Variants in MLIP observed in about 807,000 individuals in gnomAD.
MLIP encodes muscular LMNA interacting protein.
MLIP carries 79 observed loss-of-function variants against 84.8 expected under a neutral mutation model. The ratio of observed to expected loss-of-function variants is 0.93; its 90% CI spans 0.78 to 1.12. The LOEUF is 1.12. Ranked by LOEUF, MLIP falls within the 50% of genes most tolerant of loss-of-function variation. MLIP has a pLI of 0.00. For missense variants in MLIP, 1,257 were observed against 1,160.6 expected (o/e 1.08, Z -1.21); for synonymous variants, 504 against 463.0 (o/e 1.09, Z -1.14).
intron 1 of MLIP, among the ~76,000 whole-genome samples, chr6:54,114,012 G>T (rs1769695307): frequency 6.6e-6 from 1 of 152,116 alleles, no homozygotes; most frequent in African/African-American, 2.4e-5. Context: ...ATTTATATTT[G>T]GACTGGTTCC....
chr6:54,196,077 G>C (rs1457054684), intron 10 of MLIP, among the ~76,000 whole-genome samples: 1 of 151,946 alleles, frequency 6.6e-6, no homozygotes, highest in Non-Finnish European at 1.5e-5. Context: ...AATGCCATAT[G>C]GCTCTTCTAT....
exon 1 of MLIP, chr6:54,019,057 G>A (rs757355483): frequency 6.2e-7 from 1 of 1,611,650 alleles, no homozygotes. Context: ...GAAAAAAGAA[G>A]CTTATTAAAC....
intron 11 of MLIP, among the ~76,000 whole-genome samples, chr6:54,204,780 A>G (rs1410503245): frequency 3.9e-5 from 6 of 152,176 alleles, no homozygotes; most frequent in Non-Finnish European, 7.4e-5. Context: ...ACATAAATCT[A>G]TTTATTTCTA....
At chr6:54,103,307 A>G (rs1768787110) in intron 1 of MLIP, among the ~76,000 whole-genome samples, 1 of 152,182 alleles carries the variant, frequency 6.6e-6, no homozygotes, top group South Asian at 2.1e-4. Context: ...GTGAGATATT[A>G]TCTAAATATT....
chr6:54,163,889 A>G (rs754081477), intron 8 of MLIP, among the ~76,000 whole-genome samples: 35 of 150,894 alleles, frequency 2.3e-4, no homozygotes, highest in Admixed American at 4.6e-4. Flanking sequence ...TCTGTTCATG[A>G]TAACATCTTT....
At chr6:54,068,040 TTTCCTTCC>T (rs556958452) in intron 1 of MLIP, among the ~76,000 whole-genome samples, 726 of 22,902 alleles carry the variant, frequency 0.032, 117 homozygotes, top group Middle Eastern at 0.08. Flanking sequence ...TCCTTTTTTC[TTTCCTTCC>T]TTCCTTCCTT....
intron 1 of MLIP, among the ~76,000 whole-genome samples, chr6:54,039,778 A>G (rs529538278): frequency 6.6e-6 from 1 of 151,968 alleles, no homozygotes; most frequent in Non-Finnish European, 1.5e-5. Flanking sequence ...AGCATCATCT[A>G]TGTTGATTTC....
At chr6:54,188,599 G>A (rs912109119) in intron 9 of MLIP, among the ~76,000 whole-genome samples, 1 of 151,960 alleles carries the variant, frequency 6.6e-6, no homozygotes, top group Admixed American at 6.6e-5. Context: ...AGTCTTATGG[G>A]ACCCCTGTCA....
chr6:54,142,573 G>A (rs532706662), intron 4 of MLIP, among the ~76,000 whole-genome samples: 1 of 152,268 alleles, frequency 6.6e-6, no homozygotes, highest in South Asian at 2.1e-4. Context: ...GTTGTCAGAG[G>A]GAGATGTAGC....
At chr6:54,215,006 C>G in intron 11 of MLIP, 19 of 579,644 alleles carry the variant, frequency 3.3e-5, no homozygotes, top group Non-Finnish European at 4.4e-5. Flanking sequence ...GAGACGATAT[C>G]CCTCCCTCAT....
At chr6:54,250,153 C>T (rs1381275191) in intron 12 of MLIP, among the ~76,000 whole-genome samples, 1 of 152,016 alleles carries the variant, frequency 6.6e-6, no homozygotes, top group Non-Finnish European at 1.5e-5. Context: ...ATCAAAACCA[C>T]AATGAGATAC....
chr6:54,166,689 T>C (rs2150580981), intron 8 of MLIP, among the ~76,000 whole-genome samples: 1 of 152,082 alleles, frequency 6.6e-6, no homozygotes, highest in Non-Finnish European at 1.5e-5. Context: ...CATTCCTCTC[T>C]ATATTCATTC....
At chr6:54,094,440 A>G (rs1295181109) in intron 1 of MLIP, among the ~76,000 whole-genome samples, 1 of 152,194 alleles carries the variant, frequency 6.6e-6, no homozygotes, top group African/African-American at 2.4e-5. Context: ...AAATATTTGC[A>G]GAGTATTCAC....
chr6:54,222,848 G>A (rs1398803942), intron 11 of MLIP, among the ~76,000 whole-genome samples: 1 of 151,994 alleles, frequency 6.6e-6, no homozygotes, highest in African/African-American at 2.4e-5. Flanking sequence ...CAGTGTACAA[G>A]TGTTCTCTTT....
intron 1 of MLIP, among the ~76,000 whole-genome samples, chr6:54,116,205 T>C (rs1431800827): frequency 6.6e-6 from 1 of 151,646 alleles, no homozygotes. Context: ...GGAGAGGGAG[T>C]GAGAGACTTG....
chr6:54,057,653 G>T (rs1052264457), intron 1 of MLIP, among the ~76,000 whole-genome samples: 28 of 152,142 alleles, frequency 1.8e-4, no homozygotes, highest in African/African-American at 6.0e-4. Context: ...TCCAGTCATG[G>T]CAAGTCCACT....
Position 54,230,659 on chromosome 6 carries a change from C to T in MLIP, c.2719-55C>T, listed in dbSNP as rs545111011. 18 of 1,527,874 alleles carry T rather than the reference C, an allele frequency of 1.2e-5. No homozygotes were observed. The African/African-American group carries it at 1.5e-4, about 13-fold the overall frequency. 94.6% of individuals were successfully genotyped at this position (1,527,874 alleles called of 1,614,324 possible). A position where few individuals can be genotyped will look rare whatever the true frequency, so the allele number is the denominator to read the frequency against. ...TGTCTATCGTAGACCTAATTCCAAG[C>T]GTGCTTGACTTTTTTATGCTAACAT... On this transcript the variant is annotated intron_variant, in intron 11 of 13. Coordinates refer to ENST00000502396, the MANE Select transcript of MLIP (RefSeq NM_001281747.2).
At chr6:54,114,362 T>C (rs1769727255) in intron 1 of MLIP, among the ~76,000 whole-genome samples, 1 of 152,218 alleles carries the variant, frequency 6.6e-6, no homozygotes, top group Admixed American at 6.5e-5. Context: ...CACACAAAAT[T>C]TGATCGTTAT....
At chr6:54,210,720 C>G (rs1779387286) in intron 11 of MLIP, among the ~76,000 whole-genome samples, 1 of 86,910 alleles carries the variant, frequency 1.2e-5, no homozygotes, top group Admixed American at 1.4e-4. Context: ...AATAAAGACT[C>G]CAACGGAGGG....
Sources: allele counts gnomAD v4.1 joint callset (sites outside exome capture counted in the v4.1 genomes callset), GRCh38; gene constraint gnomAD v4.1.1; transcripts MANE v1.5; gene names NCBI Gene and HGNC (gene_info 2026-07-23, HGNC 2026-07-21).